The following CPB2 variants were observed in gnomAD, a reference collection of about 807,000 sequenced individuals.
CPB2 encodes the protein carboxypeptidase B-like protein.
CPB2 carries 54 observed loss-of-function variants against 57.0 expected under a neutral mutation model. The ratio of observed to expected loss-of-function variants is 0.95; its 90% CI spans 0.76 to 1.19. The LOEUF (loss-of-function observed/expected upper bound fraction) is 1.19, where lower values mean the gene tolerates loss of function less well. Among genes scored for constraint, CPB2 ranks in the 50% most tolerant of loss-of-function variants. The pLI is 0.00. For synonymous variants in CPB2, 189 were observed against 178.1 expected (o/e 1.06, Z -0.49); for missense variants, 426 against 512.0 (o/e 0.83, Z 1.62).
rs867373750 is a variant in CPB2 at position 46,064,654 on chromosome 13, A to G, written c.790T>C (p.Trp264Arg). Residue 264 changes from tryptophan (W) to arginine (R), a missense_variant, in exon 8 of 11, where the codon TGG becomes CGG. Trp to Arg is a moderately radical substitution (Grantham distance 101). Transcript: ENST00000181383. ...AATAAAGCCAACAACCTACCACACC[A>G]GTGTTTGGAAGCAAAGTTCCTATTC... The part of the protein sequence containing the change: ...DLNRNFASKH[W>R]CEEGASSSSC... 2 of 1,613,544 alleles carry G rather than the reference A, an allele frequency of 1.2e-6. No homozygotes were observed. Among genetic ancestry groups the G allele is most frequent in the African/African-American group, 2.7e-5 (2 of 75,036 alleles).
intron 7 of CPB2, among the ~76,000 whole-genome samples, chr13:46,065,062 C>T (rs186825823): frequency 1.3e-5 from 2 of 152,184 alleles, no homozygotes; most frequent in Admixed American, 1.3e-4. Flanking sequence ...GTCTTGTTTC[C>T]TTTACATTAA....
chr13:46,099,064 A>T (rs1374544453), intron 1 of CPB2: 1 of 152,182 alleles, frequency 6.6e-6, no homozygotes, highest in Non-Finnish European at 1.5e-5. Flanking sequence ...CAGAGAATGG[A>T]GATATTCTGA....
intron 3 of CPB2, among the ~76,000 whole-genome samples, chr13:46,083,279 GA>G (rs2045148603): frequency 6.6e-6 from 1 of 152,106 alleles, no homozygotes; most frequent in Admixed American, 6.5e-5. Context: ...GATTTACCCT[GA>G]AAAATTCCTT....
intron 5 of CPB2, among the ~76,000 whole-genome samples, chr13:46,076,901 C>T (rs1296558978): frequency 6.6e-6 from 1 of 152,064 alleles, no homozygotes; most frequent in Non-Finnish European, 1.5e-5. Context: ...AACTAAATGC[C>T]TATCTCTCGC....
intron 5 of CPB2, among the ~76,000 whole-genome samples, chr13:46,077,500 A>G (rs557931558): frequency 2.6e-5 from 4 of 152,292 alleles, no homozygotes; most frequent in South Asian, 4.1e-4. Flanking sequence ...TTCAGCCACT[A>G]TGAAAAACCA....
intron 7 of CPB2, among the ~76,000 whole-genome samples, chr13:46,066,056 G>A (rs1049298952): frequency 5.3e-5 from 8 of 152,182 alleles, no homozygotes; most frequent in African/African-American, 1.9e-4. Flanking sequence ...TCTCACCAGA[G>A]ATGACTTTTT....
At position 46,053,406 on chromosome 13, in the gene CPB2, A is replaced by T; in HGVS notation, c.*208T>A. On this transcript the variant is annotated 3_prime_UTR_variant, in exon 11 of 11. Transcript: ENST00000181383. ...AGAAAAAGTAGGTAACTAGACTTTT[A>T]CAATTTTTTTTAAAGGGTAAAAAGA... 1.6e-6 allele frequency: 1 copy of T among 644,782 alleles called. No individual in the cohort carries two copies. The highest frequency in any genetic ancestry group is 2.3e-6 in the Non-Finnish European group (1 of 440,672). The allele number at this position is 644,782 out of a possible 1,614,324, so 39.9% of individuals were successfully genotyped here.
rs1398416151 is a variant in CPB2 at position 46,064,686 on chromosome 13, G to A, written c.758C>T (p.Thr253Ile). 6.2e-7 allele frequency: 1 copy of A among 1,613,998 alleles called. No homozygotes were observed. The highest frequency in any genetic ancestry group is 1.7e-5 in the Admixed American group (1 of 60,002). ...SFYANNHCIG[T>I]DLNRNFASKH... Reference sequence around the variant, plus strand: ...GGAAGCAAAGTTCCTATTCAGGTCTGTTCCGATGCAATGATTGTTCGCATA... The same window carrying A: ...GGAAGCAAAGTTCCTATTCAGGTCTATTCCGATGCAATGATTGTTCGCATA... Residue 253 changes from threonine (T) to isoleucine (I), a missense_variant, in exon 8 of 11, where the codon ACA (threonine) becomes ATA (isoleucine). Transcript: ENST00000181383.
intron 5 of CPB2, among the ~76,000 whole-genome samples, chr13:46,075,574 T>C (rs1452656808): frequency 6.6e-6 from 1 of 152,222 alleles, no homozygotes; most frequent in African/African-American, 2.4e-5. Context: ...TCCAATCTGA[T>C]TGACCAACTC....
intron 2 of CPB2, among the ~76,000 whole-genome samples, chr13:46,086,087 G>T (rs1426396444): frequency 6.6e-6 from 1 of 152,166 alleles, no homozygotes; most frequent in African/African-American, 2.4e-5. Flanking sequence ...GGCTGGCACC[G>T]GGGAAGGTGG....
chr13:46,089,221 C>G lies in CPB2; in HGVS notation c.75-1401G>C, dbSNP rs17844185. On this transcript the variant is annotated intron_variant, in intron 1 of 10. Transcript: ENST00000181383. ...CATCTATATTTTTCCCAGGGATCCA[C>G]TATGTCAATTTTGTCATATATCAAG... Among the ~76,000 whole-genome samples the G allele has an allele frequency of 3.7e-3, 558 of 152,090 alleles. 6 individuals carry two copies. The highest frequency in any genetic ancestry group is 0.013 in the African/African-American group (535 of 41,452).
intron 8 of CPB2, 152 bp downstream of exon 8, chr13:46,064,496 G>T (rs557480757): frequency 1.0e-5 from 6 of 590,670 alleles, no homozygotes; most frequent in Non-Finnish European, 1.5e-5. Flanking sequence ...GCCAACAGTC[G>T]CAGCATTACA....
chr13:46,054,098 G>T (rs1451659563), intron 10 of CPB2, among the ~76,000 whole-genome samples: 1 of 152,102 alleles, frequency 6.6e-6, no homozygotes. Context: ...CACAAGCAGG[G>T]TATGAATTTG....
chr13:46,085,548 C>T (rs1365813966), intron 2 of CPB2, among the ~76,000 whole-genome samples: 1 of 152,154 alleles, frequency 6.6e-6, no homozygotes, highest in Non-Finnish European at 1.5e-5. Context: ...TGACCTAGCC[C>T]AGCCTTCTTT....
intron 5 of CPB2, among the ~76,000 whole-genome samples, chr13:46,074,415 T>C (rs1487321671): frequency 7.2e-6 from 1 of 137,988 alleles, no homozygotes; most frequent in Non-Finnish European, 1.6e-5. Context: ...AAGATTTTCC[T>C]GAGTGCATAT....
intron 9 of CPB2, among the ~76,000 whole-genome samples, chr13:46,056,055 A>G (rs555801246): frequency 1.3e-5 from 2 of 152,152 alleles, no homozygotes; most frequent in South Asian, 4.1e-4. Context: ...GGCTTTAAAC[A>G]TAAACTATTT....
Position 46,073,994 on chromosome 13 carries a change from C to T in CPB2, c.487-17G>A. 1 of 1,453,866 alleles carries T rather than the reference C, an allele frequency of 6.9e-7. No individual in the cohort carries two copies. Among genetic ancestry groups the T allele is most frequent in the Non-Finnish European group, 9.6e-7 (1 of 1,043,546 alleles). 90.1% of individuals were successfully genotyped at this position (1,453,866 alleles called of 1,614,324 possible). On this transcript the variant is annotated splice_polypyrimidine_tract_variant and intron_variant, in intron 5 of 10. Transcript: ENST00000181383. ...TCCAGAAACCTGCTCAAAGAAACCC[C>T]AAAAGTAGCAAAAACAGTAACAATA... is the stretch of plus-strand genomic sequence containing the variant.
intron 3 of CPB2, among the ~76,000 whole-genome samples, chr13:46,083,116 T>C (rs1300441286): frequency 6.6e-6 from 1 of 152,198 alleles, no homozygotes; most frequent in Non-Finnish European, 1.5e-5. Flanking sequence ...TTTAGCTGAA[T>C]TCAGGCATTC....
At chr13:46,095,476 A>G (rs1486197544) in intron 1 of CPB2, among the ~76,000 whole-genome samples, 1 of 152,208 alleles carries the variant, frequency 6.6e-6, no homozygotes, top group East Asian at 1.9e-4. Flanking sequence ...AAACGACAGC[A>G]AACAATCAAA....
Sources: gnomAD v4.1 joint callset for allele counts (sites outside exome capture counted in the v4.1 genomes callset) on GRCh38, gnomAD v4.1.1 for gene constraint, MANE v1.5 for transcripts, NCBI Gene and HGNC (gene_info 2026-07-23, HGNC 2026-07-21) for gene names.